Variants in THSD4 observed in about 807,000 individuals in gnomAD.
THSD4 encodes thrombospondin type 1 domain containing 4, also known as thrombospondin type-1 domain-containing protein 4.
Under a neutral mutation model 119.0 loss-of-function variants are expected in THSD4, and 69 were observed. That is an observed-to-expected ratio of 0.58 (90% confidence interval 0.48 to 0.71). The LOEUF is 0.71. Ranked by LOEUF, THSD4 falls within the 30% of genes least tolerant of loss-of-function variation. The pLI, the probability that THSD4 is intolerant of heterozygous loss-of-function variation, is 0.00. For synonymous variants in THSD4, 524 were observed against 540.4 expected, an observed-to-expected ratio of 0.97 and a Z score of 0.42; for missense variants, 1,393 against 1,391.1, an observed-to-expected ratio of 1.00 and a Z score of -0.02.
intron 8 of THSD4, among the ~76,000 whole-genome samples, chr15:71,680,071 C>T (rs1332266087): frequency 6.6e-6 from 1 of 152,170 alleles, no homozygotes; most frequent in Non-Finnish European, 1.5e-5. Flanking sequence ...TTGAGATGAT[C>T]TGGAGCAAAT....
intron 6 of THSD4, among the ~76,000 whole-genome samples, chr15:71,404,733 A>C (rs2046581414): frequency 6.6e-6 from 1 of 152,212 alleles, no homozygotes. Context: ...GATAACAGCA[A>C]CAAGGTGCCA....
At chr15:71,360,169 C>G (rs563703834) in intron 6 of THSD4, among the ~76,000 whole-genome samples, 1 of 152,220 alleles carries the variant, frequency 6.6e-6, no homozygotes, top group East Asian at 1.9e-4. Context: ...GAGAATCTCT[C>G]CCTTCCTATG....
chr15:71,384,606 G>A (rs1053807648), intron 6 of THSD4, among the ~76,000 whole-genome samples: 2 of 152,134 alleles, frequency 1.3e-5, no homozygotes, highest in African/African-American at 2.4e-5. Context: ...TTTGCAAATA[G>A]TCTTTTAAAA....
rs116881725 is a variant in THSD4, at chr15:71,605,726, A to G, written c.1153-54804A>G. 2.5e-4 allele frequency among the ~76,000 whole-genome samples: 38 copies of G among 152,344 alleles called. No homozygotes were observed. In the East Asian group the frequency reaches 7.3e-3, roughly 29 times the overall value. ...TTGGACACCTAAGTAAAGATGTCAG[A>G]GAGCCAGTGAGTGTAAAAGTCTGAG... On this transcript the variant is annotated intron_variant, in intron 7 of 17. Transcript: ENST00000261862.
At chr15:71,232,138 A>AT (rs2044066391) in intron 4 of THSD4, among the ~76,000 whole-genome samples, 1 of 151,794 alleles carries the variant, frequency 6.6e-6, no homozygotes, top group Admixed American at 6.6e-5. Flanking sequence ...CCTCCCTTTA[A>AT]TTTGGGCTCT....
intron 7 of THSD4, among the ~76,000 whole-genome samples, chr15:71,599,746 A>C (rs906375764): frequency 6.6e-6 from 1 of 152,326 alleles, no homozygotes; most frequent in South Asian, 2.1e-4. Flanking sequence ...GGACTCTGGC[A>C]GTGGGCCAGG....
chr15:71,780,404 A>AT lies in THSD4; in HGVS notation c.*3032dup. On this transcript the variant is annotated 3_prime_UTR_variant, in exon 18 of 18. Coordinates refer to ENST00000261862, the MANE Select transcript of THSD4 (RefSeq NM_024817.3). ...TTACTTTCATCCATTGAAAAAGGAA[A>AT]TTGTGCCTCTTGCAGCCTAGGCAAA... is the stretch of plus-strand genomic sequence containing the variant. 1 of 180,680 alleles carries AT rather than the reference A, an allele frequency of 5.5e-6. No homozygotes were observed. The highest frequency in any genetic ancestry group is 1.3e-4 in the South Asian group (1 of 7,948). The allele number at this position is 180,680 out of a possible 1,614,324, so 11.2% of individuals were successfully genotyped here.
At chr15:71,602,471 C>G (rs983005629) in intron 7 of THSD4, among the ~76,000 whole-genome samples, 3 of 135,752 alleles carry the variant, frequency 2.2e-5, no homozygotes, top group Non-Finnish European at 4.6e-5. Flanking sequence ...GAGAATCTCT[C>G]AAACCCGGGA....
In THSD4 at chr15:71,342,284, T is replaced by C. The variant is rs572507010; in HGVS notation, c.1016-69403T>C. 378 of 172,476 alleles carry C rather than the reference T, an allele frequency of 2.2e-3. 3 individuals carry two copies. Among genetic ancestry groups the C allele is most frequent in the Admixed American group, 4.0e-3 (73 of 18,342 alleles). The allele number at this position is 172,476 out of a possible 1,614,324, so 10.7% of individuals were successfully genotyped here. ...CAGAGAGAGTTTGTGTTACAGAGAC[T>C]GCCACGGGGAGTGCACAGTACTCAC... On this transcript the variant is annotated intron_variant, in intron 6 of 17. Coordinates refer to ENST00000261862, the MANE Select transcript of THSD4 (RefSeq NM_024817.3).
intron 6 of THSD4, among the ~76,000 whole-genome samples, chr15:71,313,237 A>G (rs928084656): frequency 6.6e-6 from 1 of 152,156 alleles, no homozygotes; most frequent in Non-Finnish European, 1.5e-5. Flanking sequence ...CACTGAATTT[A>G]GTTGGCCCCT....
chr15:71,347,572 T>A (rs2045682581), intron 6 of THSD4, among the ~76,000 whole-genome samples: 1 of 152,236 alleles, frequency 6.6e-6, no homozygotes, highest in African/African-American at 2.4e-5. Flanking sequence ...TTACCCTTCT[T>A]TTGGCGGGGA....
In THSD4 at chr15:71,747,162, G is replaced by A. The variant is rs77185782; in HGVS notation, c.2241+120G>A. On this transcript the variant is annotated intron_variant, in intron 13 of 17. Transcript: ENST00000261862. ...AGTTCCACAGGAGGGAACCCGTCCC[G>A]TGGGGGTCTGGACGGCTGTTTTTGC... 1.2e-3 allele frequency: 1,412 copies of A among 1,190,324 alleles called. 11 individuals carry two copies. The African/African-American group carries it at 0.019, about 16-fold the overall frequency. 73.7% of individuals were successfully genotyped at this position (1,190,324 alleles called of 1,614,324 possible).
chr15:71,306,371 T>C, intron 6 of THSD4, among the ~76,000 whole-genome samples: 1 of 149,472 alleles, frequency 6.7e-6, no homozygotes. Context: ...TGATGCCTTC[T>C]CTTATGGCCA....
At chr15:71,623,426 T>C (rs558036191) in intron 7 of THSD4, among the ~76,000 whole-genome samples, 1 of 152,328 alleles carries the variant, frequency 6.6e-6, no homozygotes, top group South Asian at 2.1e-4. Flanking sequence ...CATAAAAGTA[T>C]TTCCCGTAAG....
intron 7 of THSD4, among the ~76,000 whole-genome samples, chr15:71,586,656 G>A (rs187433230): frequency 6.6e-6 from 1 of 152,318 alleles, no homozygotes; most frequent in Non-Finnish European, 1.5e-5. Flanking sequence ...ATGTGATTAG[G>A]TCAGGCCACT....
chr15:71,131,918 G>A (rs1413571080), intron 1 of THSD4, among the ~76,000 whole-genome samples: 1 of 152,202 alleles, frequency 6.6e-6, no homozygotes, highest in Non-Finnish European at 1.5e-5. Flanking sequence ...TGGAAAAAGG[G>A]TCCCCAGATG....
intron 6 of THSD4, among the ~76,000 whole-genome samples, chr15:71,387,624 G>A (rs1264771505): frequency 6.6e-6 from 1 of 152,214 alleles, no homozygotes; most frequent in Non-Finnish European, 1.5e-5. Flanking sequence ...TTTCCCAAAA[G>A]CTGTACCAGT....
At chr15:71,367,464 T>A (rs988253726) in intron 6 of THSD4, among the ~76,000 whole-genome samples, 14 of 152,192 alleles carry the variant, frequency 9.2e-5, no homozygotes, top group Admixed American at 6.5e-4. Context: ...CCCCGGTGTG[T>A]GATGTTCCCC....
At chr15:71,262,345 A>G (rs555394799) in intron 6 of THSD4, among the ~76,000 whole-genome samples, 4 of 152,300 alleles carry the variant, frequency 2.6e-5, no homozygotes, top group South Asian at 4.1e-4. Flanking sequence ...CACCCAGGAC[A>G]GTGATAGTTT....
Sources: allele counts gnomAD v4.1 joint callset (sites outside exome capture counted in the v4.1 genomes callset), GRCh38; gene constraint gnomAD v4.1.1; transcripts MANE v1.5; gene names NCBI Gene and HGNC (gene_info 2026-07-23, HGNC 2026-07-21).